The following LYPD6B variants were observed in gnomAD, a reference collection of about 807,000 sequenced individuals.
LYPD6B encodes the protein ly6/PLAUR domain-containing protein 6B.
A neutral mutation model predicts 22.8 loss-of-function variants in LYPD6B; 17 were observed. The observed-to-expected ratio is 0.75, with a 90% CI of 0.51 to 1.12. The LOEUF (loss-of-function observed/expected upper bound fraction) is 1.12, where lower values mean the gene tolerates loss of function less well. Ranked by LOEUF, LYPD6B falls within the 50% of genes most tolerant of loss-of-function variation. The pLI, the probability that LYPD6B is intolerant of heterozygous loss-of-function variation, is 0.00. For missense variants in LYPD6B, 221 were observed against 258.3 expected, an observed-to-expected ratio of 0.86 and a Z score of 0.99; for synonymous variants, 106 against 91.6, an observed-to-expected ratio of 1.16 and a Z score of -0.90.
intron 1 of LYPD6B, among the ~76,000 whole-genome samples, chr2:149,097,716 T>C (rs2105469503): frequency 6.6e-6 from 1 of 152,328 alleles, no homozygotes; most frequent in South Asian, 2.1e-4. Flanking sequence ...GTTTTTGGAT[T>C]CGATATTATC....
chr2:149,092,325 T>C (rs1039638930), intron 1 of LYPD6B, among the ~76,000 whole-genome samples: 3 of 152,016 alleles, frequency 2.0e-5, no homozygotes, highest in Admixed American at 6.6e-5. Flanking sequence ...GGGTGCTGAG[T>C]AGGCTCTGTG....
intron 1 of LYPD6B, among the ~76,000 whole-genome samples, chr2:149,115,901 C>G (rs1686982321): frequency 6.6e-6 from 1 of 152,192 alleles, no homozygotes; most frequent in Admixed American, 6.5e-5. Flanking sequence ...GTGACACAAC[C>G]TCTCACTGTC....
At chr2:149,060,635 G>A (rs964809159) in intron 1 of LYPD6B, among the ~76,000 whole-genome samples, 7 of 152,156 alleles carry the variant, frequency 4.6e-5, no homozygotes, top group Non-Finnish European at 5.9e-5. Context: ...GAGGGCAGTG[G>A]CATCCCAGGG....
At chr2:149,168,505 C>T (rs1299236203) in intron 3 of LYPD6B, among the ~76,000 whole-genome samples, 8 of 152,156 alleles carry the variant, frequency 5.3e-5, no homozygotes, top group African/African-American at 1.9e-4. Context: ...GAGATGAAAA[C>T]CTCTTCTGTG....
chr2:149,150,519 A>T (rs1329881703), intron 2 of LYPD6B, among the ~76,000 whole-genome samples: 3 of 152,150 alleles, frequency 2.0e-5, no homozygotes, highest in Non-Finnish European at 4.4e-5. Context: ...GTTACTTTCC[A>T]TGCTTTTCTA....
rs143402109 is a variant in LYPD6B at position 149,040,354 on chromosome 2, T to C, written c.-67+1553T>C. ...GATTATCCTGCCTCAGCCTCCCAAG[T>C]AGCTGGAGTTACAGGCGCCGGCCAC... On this transcript the variant is annotated intron_variant, in intron 1 of 6. Transcript: ENST00000409642. 5.9e-3 allele frequency among the ~76,000 whole-genome samples: 899 copies of C among 152,076 alleles called. 9 individuals are homozygous for C. The highest frequency in any genetic ancestry group is 0.018 in the African/African-American group (749 of 41,464).
intron 3 of LYPD6B, among the ~76,000 whole-genome samples, chr2:149,203,753 T>C (rs1434292032): frequency 6.6e-6 from 1 of 152,250 alleles, no homozygotes; most frequent in Non-Finnish European, 1.5e-5. Flanking sequence ...TTATAACTCT[T>C]AGTACTTTCT....
chr2:149,094,872 C>G (rs1685830818), intron 1 of LYPD6B, among the ~76,000 whole-genome samples: 1 of 152,106 alleles, frequency 6.6e-6, no homozygotes, highest in African/African-American at 2.4e-5. Flanking sequence ...AATAGCAACT[C>G]CAACAGTTGC....
intron 1 of LYPD6B, among the ~76,000 whole-genome samples, chr2:149,069,852 T>G (rs1306544123): frequency 5.9e-5 from 9 of 151,910 alleles, no homozygotes; most frequent in African/African-American, 1.9e-4. Context: ...GTTTTCTTTT[T>G]ATTAATAGAA....
chr2:149,087,861 A>G (rs1285686543), intron 1 of LYPD6B, among the ~76,000 whole-genome samples: 2 of 152,210 alleles, frequency 1.3e-5, no homozygotes, highest in Non-Finnish European at 2.9e-5. Context: ...CATTTTCAAC[A>G]TGTGCCTCAG....
chr2:149,047,317 T>A (rs1683355373), intron 1 of LYPD6B, among the ~76,000 whole-genome samples: 1 of 152,136 alleles, frequency 6.6e-6, no homozygotes, highest in South Asian at 2.1e-4. Context: ...GGGTATAAAA[T>A]TCTGGGTTGA....
intron 1 of LYPD6B, among the ~76,000 whole-genome samples, chr2:149,040,615 C>T (rs555425773): frequency 8.5e-4 from 130 of 152,274 alleles, no homozygotes; most frequent in Non-Finnish European, 1.6e-3. Context: ...GGAATGGGCA[C>T]ATGACCGACT....
chr2:149,083,232 T>G (rs567906024), intron 1 of LYPD6B, among the ~76,000 whole-genome samples: 1 of 152,330 alleles, frequency 6.6e-6, no homozygotes, highest in South Asian at 2.1e-4. Flanking sequence ...TCTGTCTCGC[T>G]CTCTAAGTTT....
Position 149,189,365 on chromosome 2 carries a change from T to C in LYPD6B, c.78-15888T>C, listed in dbSNP as rs1283330041. On this transcript the variant is annotated intron_variant, in intron 3 of 6. Transcript: ENST00000409642. ...AATTATATATATATATATATATATA[T>C]ATACACACACATATGTATATATGTA... is the stretch of plus-strand genomic sequence containing the variant. Among the ~76,000 whole-genome samples the C allele has an allele frequency of 1.5e-3, 138 of 93,208 alleles. 5 individuals are homozygous for C. The East Asian group carries it at 0.031, about 21-fold the overall frequency. 61.1% of individuals were successfully genotyped at this position (93,208 alleles called of 152,430 possible).
intron 1 of LYPD6B, among the ~76,000 whole-genome samples, chr2:149,075,584 G>T (rs994474482): frequency 6.6e-6 from 1 of 152,128 alleles, no homozygotes; most frequent in Non-Finnish European, 1.5e-5. Context: ...AAAGAAAAAA[G>T]AAAACTCATT....
At chr2:149,127,399 C>T (rs915645065) in intron 1 of LYPD6B, among the ~76,000 whole-genome samples, 3 of 152,142 alleles carry the variant, frequency 2.0e-5, no homozygotes, top group Non-Finnish European at 4.4e-5. Context: ...TGATCTGGGA[C>T]TGCATTAGTA....
intron 1 of LYPD6B, among the ~76,000 whole-genome samples, chr2:149,074,904 T>C (rs1326515120): frequency 1.3e-5 from 2 of 152,208 alleles, no homozygotes; most frequent in Non-Finnish European, 2.9e-5. Context: ...ACCCCATTTT[T>C]CCTCCTCCAG....
intron 3 of LYPD6B, chr2:149,187,311 A>T: frequency 9.3e-7 from 1 of 1,072,810 alleles, no homozygotes; most frequent in African/African-American, 1.7e-5. Context: ...TAATGCACTA[A>T]ATGAAGTGTA....
At chr2:149,062,965 G>A (rs761233601) in intron 1 of LYPD6B, among the ~76,000 whole-genome samples, 1 of 149,388 alleles carries the variant, frequency 6.7e-6, no homozygotes, top group African/African-American at 2.5e-5. Context: ...AGCAAGGCTC[G>A]GTAAAGAAGG....
Sources: gnomAD v4.1 joint callset for allele counts (sites outside exome capture counted in the v4.1 genomes callset) on GRCh38, gnomAD v4.1.1 for gene constraint, MANE v1.5 for transcripts, NCBI Gene and HGNC (gene_info 2026-07-23, HGNC 2026-07-21) for gene names.